The following KLF15 variants were observed in gnomAD, a reference collection of about 807,000 sequenced individuals.
KLF15 encodes the protein Krueppel-like factor 15.
In KLF15, 4 loss-of-function variants were observed where a neutral mutation model predicts 24.6. The observed-to-expected ratio is 0.16, with a 90% CI of 0.08 to 0.37. The LOEUF is 0.37. Among genes scored for constraint, KLF15 ranks in the 10% least tolerant of loss-of-function variants. The pLI is 1.00. For synonymous variants in KLF15, 246 were observed against 236.3 expected (o/e 1.04, Z -0.37); for missense variants, 496 against 560.6 (o/e 0.88, Z 1.16).
the KLF15 span, among the ~76,000 whole-genome samples, chr3:126,301,285 C>G: frequency 6.6e-6 from 1 of 152,220 alleles, no homozygotes; most frequent in South Asian, 2.1e-4. Context: ...TTCGCTTTCT[C>G]GCTAACAAGG....
At chr3:126,303,934 T>C in the KLF15 span, among the ~76,000 whole-genome samples, 4 of 138,048 alleles carry the variant, frequency 2.9e-5, no homozygotes, top group East Asian at 8.0e-4. Context: ...GACATTGTAG[T>C]TTTTATCTGC....
chr3:126,332,003 C>G, the KLF15 span, among the ~76,000 whole-genome samples: 2 of 152,294 alleles, frequency 1.3e-5, no homozygotes, highest in African/African-American at 4.8e-5. Flanking sequence ...GAGGGGCGCC[C>G]GCCATTGCCC....
At chr3:126,351,608 C>A (rs1453424632) in intron 2 of KLF15, among the ~76,000 whole-genome samples, 1 of 152,192 alleles carries the variant, frequency 6.6e-6, no homozygotes, top group Non-Finnish European at 1.5e-5. Context: ...GCCAGTGAAG[C>A]CTTACCTGGC....
intron 2 of KLF15, among the ~76,000 whole-genome samples, chr3:126,344,764 G>C (rs2082518627): frequency 6.6e-6 from 1 of 152,258 alleles, no homozygotes; most frequent in African/African-American, 2.4e-5. Context: ...GCTGGAAGCT[G>C]GGCCCTCTAA....
chr3:126,291,790 G>T, the KLF15 span, among the ~76,000 whole-genome samples: 4 of 152,064 alleles, frequency 2.6e-5, no homozygotes, highest in East Asian at 7.8e-4. Flanking sequence ...TAGAACTCAG[G>T]CTCCATGGAT....
the KLF15 span, among the ~76,000 whole-genome samples, chr3:126,311,455 C>T: frequency 1.3e-5 from 2 of 152,186 alleles, no homozygotes. Context: ...GGCAGCCCTT[C>T]CAGGTTTCTA....
chr3:126,330,977 T>C, the KLF15 span, among the ~76,000 whole-genome samples: 2 of 152,186 alleles, frequency 1.3e-5, no homozygotes, highest in African/African-American at 4.8e-5. Flanking sequence ...GGGAGCCTCA[T>C]GGGTACCCAG....
chr3:126,354,601 A>G (rs773992073), intron 1 of KLF15, among the ~76,000 whole-genome samples: 2 of 152,230 alleles, frequency 1.3e-5, no homozygotes, highest in Admixed American at 6.5e-5. Context: ...TCTGTGCCCC[A>G]GGCCAGTTTT....
chr3:126,333,958 C>T, the KLF15 span, among the ~76,000 whole-genome samples: 1 of 151,330 alleles, frequency 6.6e-6, no homozygotes, highest in Admixed American at 6.6e-5. Context: ...CTTAGACTCC[C>T]ACACATTAAT....
At chr3:126,291,403 A>G in the KLF15 span, 1 of 152,360 alleles carries the variant, frequency 6.6e-6, no homozygotes, top group Non-Finnish European at 1.5e-5. Flanking sequence ...GGAGAGGCTA[A>G]GAAGAAAGAG....
chr3:126,341,180 T>C (rs2082476984), downstream of KLF15, among the ~76,000 whole-genome samples: 1 of 152,156 alleles, frequency 6.6e-6, no homozygotes. Context: ...GTGCACCATA[T>C]GTGTGCACGT....
At chr3:126,314,561 C>A in the KLF15 span, among the ~76,000 whole-genome samples, 1 of 152,178 alleles carries the variant, frequency 6.6e-6, no homozygotes. Flanking sequence ...CTCCTGCCTC[C>A]CACACCTCTG....
chr3:126,333,414 G>A, the KLF15 span, among the ~76,000 whole-genome samples: 1 of 150,824 alleles, frequency 6.6e-6, no homozygotes, highest in Admixed American at 6.6e-5. Context: ...AAGAGCTCCT[G>A]AAGGAAGCAC....
At chr3:126,323,640 T>C in the KLF15 span, among the ~76,000 whole-genome samples, 7 of 148,514 alleles carry the variant, frequency 4.7e-5, no homozygotes, top group South Asian at 1.5e-3. Flanking sequence ...ACCCATCAAC[T>C]AGGTTCCCTC....
downstream of KLF15, among the ~76,000 whole-genome samples, chr3:126,337,983 C>G (rs780665738): frequency 2.2e-4 from 33 of 152,278 alleles, no homozygotes; most frequent in Non-Finnish European, 4.0e-4. Flanking sequence ...ATAGGATGCC[C>G]AGTGTAGTGC....
chr3:126,314,751 C>A, the KLF15 span, among the ~76,000 whole-genome samples: 4 of 152,200 alleles, frequency 2.6e-5, no homozygotes, highest in African/African-American at 9.7e-5. Context: ...CCCTCTATGC[C>A]CCCATATAGT....
the KLF15 span, among the ~76,000 whole-genome samples, chr3:126,298,616 G>A: frequency 6.6e-6 from 1 of 151,924 alleles, no homozygotes; most frequent in Non-Finnish European, 1.5e-5. Flanking sequence ...TAGATTTAAG[G>A]CTTTGATCCA....
the KLF15 span, among the ~76,000 whole-genome samples, chr3:126,294,841 T>C: frequency 6.6e-6 from 1 of 150,770 alleles, no homozygotes; most frequent in Non-Finnish European, 1.5e-5. Context: ...GCCAAGTCTT[T>C]TGCCAGTGGC....
At position 126,343,768 on chromosome 3, in the gene KLF15, G is replaced by C; in HGVS notation, c.1210C>G (p.Arg404Gly). 1 of 1,611,890 alleles carries C rather than the reference G, an allele frequency of 6.2e-7. No homozygotes were observed. ...ACGGAGCGGCTGCTCCGCGGGAAGCGGTGCACCTTGATGTGCTTGGAGAGG... is the reference window on the plus strand; with the variant it reads ...ACGGAGCGGCTGCTCCGCGGGAAGCCGTGCACCTTGATGTGCTTGGAGAGG... The part of the protein sequence containing the change: ...DHLSKHIKVH[R>G]FPRSSRSVRS... Residue 404 changes from arginine to glycine, a missense_variant, in exon 3 of 3, where the codon CGC becomes GGC. By Grantham distance (125) the Arg-to-Gly change is moderately radical (BLOSUM62 -2). This residue lies in a region of KLF15 where 38 missense variants were observed against 31.5 expected (regional missense o/e 1.21). Transcript: ENST00000296233.
Sources: gnomAD v4.1 joint callset for allele counts (sites outside exome capture counted in the v4.1 genomes callset) on GRCh38, gnomAD v4.1.1 for gene constraint, gnomAD v4.1.1 regional missense constraint, MANE v1.5 for transcripts, NCBI Gene and HGNC (gene_info 2026-07-23, HGNC 2026-07-21) for gene names.